Variants in MOB1A observed in about 807,000 individuals in gnomAD.
MOB1A encodes the protein MOB1 Mps One Binder homolog A.
In MOB1A, 10 loss-of-function variants were observed where a neutral mutation model predicts 25.1. The observed-to-expected ratio is 0.40, with a 90% CI of 0.25 to 0.68. The LOEUF (loss-of-function observed/expected upper bound fraction) is 0.68. Among genes scored for constraint, MOB1A ranks in the 30% least tolerant of loss-of-function variants. The pLI, the probability that MOB1A is intolerant of heterozygous loss-of-function variation, is 0.40. For synonymous variants in MOB1A, 81 were observed against 79.5 expected (o/e 1.02, Z -0.10); for missense variants, 177 against 256.3 (o/e 0.69, Z 2.11).
chr2:74,164,503 G>A (rs1419417890), intron 4 of MOB1A: 1 of 147,640 alleles, frequency 6.8e-6, no homozygotes, highest in Admixed American at 7.2e-5. Flanking sequence ...GGGCAACAGA[G>A]TGAGACTCTG....
chr2:74,172,598 T>C lies in MOB1A; in HGVS notation c.169A>G (p.Ile57Val). ...TTTTAAAACTTACTGTTCACAGCAA[T>C]CCATTCATTGAGATCCTCTCCCTCA... ...LPEGEDLNEW[I>V]AVNTVDFFNQ... The change falls in exon 2 of 6, where the codon ATT (isoleucine) becomes GTT (valine). Residue 57 changes from isoleucine to valine, a missense_variant. Coordinates refer to ENST00000396049, the MANE Select transcript of MOB1A (RefSeq NM_018221.5). The C allele has an allele frequency of 6.2e-7, 1 of 1,612,836 alleles. No individual in the cohort carries two copies. The highest frequency in any genetic ancestry group is 8.5e-7 in the Non-Finnish European group (1 of 1,179,528).
At chr2:74,157,488 T>C (rs751863304) in intron 5 of MOB1A, among the ~76,000 whole-genome samples, 2 of 151,910 alleles carry the variant, frequency 1.3e-5, no homozygotes, top group South Asian at 2.1e-4. Context: ...AAGGAGGGGG[T>C]TGTGGGAACC....
At position 74,165,369 on chromosome 2, in the gene MOB1A, T is replaced by G. The variant is rs923721875; in HGVS notation, c.276-18A>C. On this transcript the variant is annotated intron_variant, in intron 3 of 5. Transcript: ENST00000396049. The stretch of plus-strand genomic sequence containing the variant: ...ATTCATATCTGAAGAGAAAAATGTT[T>G]TACTGATAAATTTTTCAAAAATATT... 1 of 1,447,520 alleles carries G rather than the reference T, an allele frequency of 6.9e-7. No individual in the cohort carries two copies. The highest frequency in any genetic ancestry group is 9.2e-7 in the Non-Finnish European group (1 of 1,089,822). The allele number at this position is 1,447,520 out of a possible 1,614,324, so 89.7% of individuals were successfully genotyped here.
chr2:74,175,930 G>T (rs1203319255), intron 1 of MOB1A, among the ~76,000 whole-genome samples: 1 of 152,020 alleles, frequency 6.6e-6, no homozygotes, highest in Admixed American at 6.6e-5. Context: ...GAGTAATTTG[G>T]AATTTAAATA....
intron 3 of MOB1A, among the ~76,000 whole-genome samples, chr2:74,166,760 C>T (rs755561462): frequency 1.3e-5 from 2 of 152,144 alleles, no homozygotes; most frequent in Non-Finnish European, 2.9e-5. Context: ...CGCTTGAACC[C>T]GGAAGGCAGA....
At chr2:74,158,998 CATCTAT>C in intron 5 of MOB1A, 87 bp downstream of exon 5, 1 of 1,265,022 alleles carries the variant, frequency 7.9e-7, no homozygotes, top group Non-Finnish European at 1.1e-6. Context: ...ATTGGCTCTA[CATCTAT>C]AACTAAGACA....
At chr2:74,172,553 T>C in intron 2 of MOB1A, 33 bp downstream of exon 2, 2 of 1,587,622 alleles carry the variant, frequency 1.3e-6, no homozygotes, top group Non-Finnish European at 1.7e-6. Flanking sequence ...AAAACCTTTC[T>C]AGAAAACAGC....
chr2:74,161,580 C>T (rs763768209), intron 4 of MOB1A, among the ~76,000 whole-genome samples: 15 of 150,664 alleles, frequency 1.0e-4, no homozygotes, highest in African/African-American at 1.5e-4. Flanking sequence ...ACCCGGGAGG[C>T]GGAGCTTGCA....
chr2:74,155,407 T>C lies in MOB1A; in HGVS notation c.*1161A>G, dbSNP rs1400241369. On this transcript the variant is annotated 3_prime_UTR_variant, in exon 6 of 6. Coordinates refer to ENST00000396049, the MANE Select transcript of MOB1A (RefSeq NM_018221.5). ...AATGAGGATTTTTTTAAAACTTATTTCTCCCATTTTGTTTCCTTTAAACAC... is the reference window on the plus strand; with the variant it reads ...AATGAGGATTTTTTTAAAACTTATTCCTCCCATTTTGTTTCCTTTAAACAC... The C allele has an allele frequency of 6.6e-6, 1 of 152,612 alleles. No homozygotes were observed. The highest frequency in any genetic ancestry group is 2.4e-5 in the African/African-American group (1 of 41,464). The allele number at this position is 152,612 out of a possible 1,614,324, so 9.5% of individuals were successfully genotyped here.
chr2:74,157,572 G>A (rs1328358549), intron 5 of MOB1A, among the ~76,000 whole-genome samples: 13 of 152,136 alleles, frequency 8.5e-5, no homozygotes, highest in African/African-American at 2.4e-4. Context: ...GCAGTCTTGT[G>A]GGACTGAGCT....
intron 1 of MOB1A, among the ~76,000 whole-genome samples, chr2:74,174,508 C>T (rs895079405): frequency 1.3e-5 from 2 of 151,992 alleles, no homozygotes; most frequent in Non-Finnish European, 2.9e-5. Flanking sequence ...ATATTTGAGA[C>T]GCCTTGAAAG....
At chr2:74,160,726 A>G (rs538136209) in intron 4 of MOB1A, among the ~76,000 whole-genome samples, 2 of 151,784 alleles carry the variant, frequency 1.3e-5, no homozygotes, top group African/African-American at 2.4e-5. Flanking sequence ...CTCTTTTTAG[A>G]AAACAACGGG....
At chr2:74,173,792 T>C (rs1693370570) in intron 1 of MOB1A, among the ~76,000 whole-genome samples, 1 of 138,594 alleles carries the variant, frequency 7.2e-6, no homozygotes, top group African/African-American at 2.7e-5. Flanking sequence ...CTACTAAAAA[T>C]ACAAAAATTA....
chr2:74,169,529 C>T (rs1693223522), intron 2 of MOB1A, among the ~76,000 whole-genome samples: 1 of 151,762 alleles, frequency 6.6e-6, no homozygotes, highest in Admixed American at 6.6e-5. Flanking sequence ...TAACTATTTA[C>T]ATCTTCTCAG....
At position 74,155,038 on chromosome 2, in the gene MOB1A, A is replaced by T. The variant is rs959918861; in HGVS notation, c.*1530T>A. On this transcript the variant is annotated 3_prime_UTR_variant, in exon 6 of 6. Coordinates refer to ENST00000396049, the MANE Select transcript of MOB1A (RefSeq NM_018221.5). Reference sequence around the variant, plus strand: ...TTAGTGGAGTAAGAAAAATAAATCTAAAAAAAAACATCAAATCTAACCTTT... The same window carrying T: ...TTAGTGGAGTAAGAAAAATAAATCTTAAAAAAAACATCAAATCTAACCTTT... 4 of 151,436 alleles carry T rather than the reference A, an allele frequency of 2.6e-5. No homozygotes were observed. Among genetic ancestry groups the T allele is most frequent in the Admixed American group, 6.6e-5 (1 of 15,190 alleles). The allele number at this position is 151,436 out of a possible 1,614,324, so 9.4% of individuals were successfully genotyped here. A position where few individuals can be genotyped will look rare whatever the true frequency, so the allele number is the denominator to read the frequency against.
intron 4 of MOB1A, among the ~76,000 whole-genome samples, chr2:74,159,821 C>G (rs116508551): frequency 3.2e-5 from 2 of 62,520 alleles, no homozygotes; most frequent in African/African-American, 6.6e-5. Context: ...TTTTTTGTCC[C>G]CCCCCCCACC....
At chr2:74,164,531 A>AT (rs1174924857) in intron 4 of MOB1A, 2 of 144,500 alleles carry the variant, frequency 1.4e-5, no homozygotes, top group African/African-American at 2.9e-5. Flanking sequence ...AAATAAAAAA[A>AT]TAAAAAAAGA....
In MOB1A at chr2:74,152,968, C is replaced by A. The variant is rs568572443; in HGVS notation, c.*3600G>T. 2 of 152,176 alleles carry A rather than the reference C, an allele frequency of 1.3e-5. No homozygotes were observed. The highest frequency in any genetic ancestry group is 2.9e-5 in the Non-Finnish European group (2 of 68,038). 9.4% of individuals were successfully genotyped at this position (152,176 alleles called of 1,614,324 possible). On this transcript the variant is annotated 3_prime_UTR_variant, in exon 6 of 6. Transcript: ENST00000396049. ...CCACATGTACTATCATCCCCCAAGG[C>A]CTTTTACAGTCTGAAATATCAAAAT...
chr2:74,163,554 C>T (rs1298333215), intron 4 of MOB1A, among the ~76,000 whole-genome samples: 1 of 152,086 alleles, frequency 6.6e-6, no homozygotes, highest in Non-Finnish European at 1.5e-5. Context: ...GGGAGGATCA[C>T]TGGAGCCCAG....
Sources: gnomAD v4.1 joint callset for allele counts (sites outside exome capture counted in the v4.1 genomes callset) on GRCh38, gnomAD v4.1.1 for gene constraint, MANE v1.5 for transcripts, NCBI Gene and HGNC (gene_info 2026-07-23, HGNC 2026-07-21) for gene names.